Variants in RASSF6 observed in about 807,000 individuals in gnomAD.
RASSF6 encodes the protein Ras association domain family member 6.
RASSF6 carries 52 observed loss-of-function variants against 44.0 expected under a neutral mutation model. The ratio of observed to expected loss-of-function variants is 1.18; its 90% CI spans 0.95 to 1.49. The LOEUF is 1.49. Among genes scored for constraint, RASSF6 ranks in the 40% most tolerant of loss-of-function variants. The probability of loss-of-function intolerance (pLI) is 0.00; values close to 1 mark genes in which losing one functional copy is unlikely to be tolerated. For synonymous variants in RASSF6, 162 were observed against 124.6 expected, an observed-to-expected ratio of 1.30 and a Z score of -2.00; for missense variants, 464 against 393.3, an observed-to-expected ratio of 1.18 and a Z score of -1.52.
intron 2 of RASSF6, among the ~76,000 whole-genome samples, chr4:73,601,977 T>C (rs1047944283): frequency 1.3e-5 from 2 of 152,142 alleles, no homozygotes; most frequent in African/African-American, 2.4e-5. Flanking sequence ...CTTTAAGGAA[T>C]AGATGTTGCC....
At position 73,585,342 on chromosome 4, in the gene RASSF6, G is replaced by A. The variant is rs768346066; in HGVS notation, c.405C>T (p.Asn135=). Reference sequence around the variant, plus strand: ...CATCCTTTGCATGTGGCTTCAGGGTGTTGCTGTGATAAGATAAATAGTCTG... The same window carrying A: ...CATCCTTTGCATGTGGCTTCAGGGTATTGCTGTGATAAGATAAATAGTCTG... ...SQEDYLSYHS[N]TLKPHAKDEP... Residue 135 remains asparagine, a synonymous_variant, in exon 6 of 11, where the codon AAC becomes AAT. Coordinates refer to ENST00000307439, the MANE Select transcript of RASSF6 (RefSeq NM_177532.5). 6.3e-7 allele frequency: 1 copy of A among 1,596,458 alleles called. No individual in the cohort carries two copies. The highest frequency in any genetic ancestry group is 8.5e-7 in the Non-Finnish European group (1 of 1,173,006).
At chr4:73,617,527 G>A (rs759425443) in intron 1 of RASSF6, among the ~76,000 whole-genome samples, 6 of 152,114 alleles carry the variant, frequency 3.9e-5, no homozygotes, top group Non-Finnish European at 7.4e-5. Context: ...TTAGGCTGAC[G>A]TCACAAAGAT....
At chr4:73,615,138 C>T (rs1726266344) in intron 1 of RASSF6, among the ~76,000 whole-genome samples, 1 of 128,806 alleles carries the variant, frequency 7.8e-6, no homozygotes, top group South Asian at 2.6e-4. Flanking sequence ...AAGATTGTGT[C>T]CCTGCACTCC....
At chr4:73,615,178 C>CAAAA (rs59463389) in intron 1 of RASSF6, among the ~76,000 whole-genome samples, 16,941 of 76,486 alleles carry the variant, frequency 0.22, 2,861 homozygotes, top group Admixed American at 0.34. Context: ...GACTCTGTCT[C>CAAAA]AAAAAAAAAA....
intron 8 of RASSF6, among the ~76,000 whole-genome samples, chr4:73,577,929 G>C (rs1019379138): frequency 6.6e-6 from 1 of 151,986 alleles, no homozygotes; most frequent in African/African-American, 2.4e-5. Flanking sequence ...ATGAACTACA[G>C]TGTGAGATAC....
chr4:73,612,049 G>A (rs1726051939), intron 1 of RASSF6, among the ~76,000 whole-genome samples: 1 of 152,086 alleles, frequency 6.6e-6, no homozygotes, highest in Non-Finnish European at 1.5e-5. Flanking sequence ...GAACAATTTG[G>A]TAAGTCTGTT....
intron 4 of RASSF6, among the ~76,000 whole-genome samples, chr4:73,589,334 T>G (rs546477034): frequency 1.3e-5 from 2 of 152,242 alleles, no homozygotes; most frequent in South Asian, 4.1e-4. Context: ...TCCCCAAATC[T>G]ATAGCAGCTT....
At chr4:73,615,879 G>T (rs771616493) in intron 1 of RASSF6, 3 of 1,549,506 alleles carry the variant, frequency 1.9e-6, no homozygotes, top group Admixed American at 2.0e-5. Context: ...AGGTGGGCTT[G>T]CCTGGACTTA....
intron 1 of RASSF6, among the ~76,000 whole-genome samples, chr4:73,618,758 T>G (rs1726528927): frequency 6.6e-6 from 1 of 152,140 alleles, no homozygotes; most frequent in South Asian, 2.1e-4. Context: ...AAGAATCCAT[T>G]AAAACACCAA....
At chr4:73,583,187 T>C (rs954205589) in intron 6 of RASSF6, among the ~76,000 whole-genome samples, 1 of 152,156 alleles carries the variant, frequency 6.6e-6, no homozygotes, top group Non-Finnish European at 1.5e-5. Context: ...AACTCCAACT[T>C]TGTCAACTCA....
At chr4:73,603,867 TTAA>T (rs1045490465) in intron 2 of RASSF6, among the ~76,000 whole-genome samples, 1 of 152,238 alleles carries the variant, frequency 6.6e-6, no homozygotes, top group Admixed American at 6.5e-5. Flanking sequence ...TCCTCTTGTT[TTAA>T]TAATGACTTA....
Position 73,573,832 on chromosome 4 carries a change from T to G in RASSF6, c.*2403A>C, listed in dbSNP as rs570365369. 6.6e-6 allele frequency: 1 copy of G among 152,224 alleles called. No individual in the cohort carries two copies. Among genetic ancestry groups the G allele is most frequent in the African/African-American group, 2.4e-5 (1 of 41,458 alleles). The allele number at this position is 152,224 out of a possible 1,614,324, so 9.4% of individuals were successfully genotyped here. A position where few individuals can be genotyped will look rare whatever the true frequency, so the allele number is the denominator to read the frequency against. On this transcript the variant is annotated 3_prime_UTR_variant, in exon 11 of 11. Transcript: ENST00000307439. ...GTTGCCCGCTCCGTGAAAATAGATA[T>G]AGACTCTTGAAATGTTTCCTTTGCA...
intron 6 of RASSF6, among the ~76,000 whole-genome samples, chr4:73,583,954 G>C (rs1723874181): frequency 6.6e-6 from 1 of 152,076 alleles, no homozygotes; most frequent in African/African-American, 2.4e-5. Context: ...CAGCACAAGT[G>C]ATCCAATCTG....
intron 3 of RASSF6, among the ~76,000 whole-genome samples, chr4:73,595,158 A>G (rs751244184): frequency 1.3e-5 from 2 of 152,198 alleles, no homozygotes; most frequent in Non-Finnish European, 2.9e-5. Context: ...TTTAAAAATT[A>G]TATAAAACAT....
rs1341663356 is a variant in RASSF6, at chr4:73,576,587, C to A, written c.840+26G>T. On this transcript the variant is annotated intron_variant, in intron 9 of 10. Coordinates refer to ENST00000307439, the MANE Select transcript of RASSF6 (RefSeq NM_177532.5). ...GCTGAGTCAGGAGGGAAGCAAAAAA[C>A]AGATTCAGGGTGATGGTATTCATAC... 3 of 1,580,038 alleles carry A rather than the reference C, an allele frequency of 1.9e-6. No individual in the cohort carries two copies. The Admixed American group carries it at 5.1e-5, about 27-fold the overall frequency.
In RASSF6 at chr4:73,580,724, GT is replaced by G. The variant is rs1483042958; in HGVS notation, c.721+1092del. 1.8e-3 allele frequency among the ~76,000 whole-genome samples: 262 copies of G among 142,282 alleles called. 3 individuals are homozygous for G. Among genetic ancestry groups the G allele is most frequent in the Middle Eastern group, 0.017 (5 of 290 alleles). 93.3% of individuals were successfully genotyped at this position (142,282 alleles called of 152,430 possible). A position where few individuals can be genotyped will look rare whatever the true frequency, so the allele number is the denominator to read the frequency against. On this transcript the variant is annotated intron_variant, in intron 8 of 10. Coordinates refer to ENST00000307439, the MANE Select transcript of RASSF6 (RefSeq NM_177532.5). ...TGCCCACTTTTTGATGGGGTTGTTT[GT>G]TTTTTTCTTGTAAATTTGTTTGAGT...
intron 2 of RASSF6, chr4:73,603,971 A>G (rs975080123): frequency 6.6e-6 from 1 of 152,156 alleles, no homozygotes; most frequent in Non-Finnish European, 1.5e-5. Flanking sequence ...GTTTGAACCC[A>G]CTAAGGACAA....
intron 4 of RASSF6, among the ~76,000 whole-genome samples, chr4:73,588,144 G>A (rs1009550072): frequency 2.6e-5 from 4 of 151,932 alleles, no homozygotes; most frequent in Admixed American, 6.6e-5. Context: ...TACTTTTATA[G>A]AGCATATCTT....
chr4:73,580,982 T>C (rs1723595125), intron 8 of RASSF6, among the ~76,000 whole-genome samples: 2 of 151,710 alleles, frequency 1.3e-5, no homozygotes, highest in Admixed American at 6.6e-5. Flanking sequence ...GCCTAGGTTT[T>C]CTTCTAGGGT....
Sources: allele counts gnomAD v4.1 joint callset (sites outside exome capture counted in the v4.1 genomes callset), GRCh38; gene constraint gnomAD v4.1.1; transcripts MANE v1.5; gene names NCBI Gene and HGNC (gene_info 2026-07-23, HGNC 2026-07-21).